The following BMPR1B variants were observed in gnomAD, a reference collection of about 807,000 sequenced individuals.
BMPR1B encodes bone morphogenetic protein receptor type 1B.
Under a neutral mutation model 59.1 loss-of-function variants are expected in BMPR1B, and 12 were observed. The ratio of observed to expected loss-of-function variants is 0.20; its 90% CI spans 0.13 to 0.33. The LOEUF (loss-of-function observed/expected upper bound fraction) is 0.33, where lower values mean the gene tolerates loss of function less well. Ranked by LOEUF, BMPR1B falls within the 10% of genes least tolerant of loss-of-function variation. BMPR1B has a pLI of 1.00. For missense variants in BMPR1B, 550 were observed against 610.9 expected, an observed-to-expected ratio of 0.90 and a Z score of 1.05; for synonymous variants, 237 against 207.3, an observed-to-expected ratio of 1.14 and a Z score of -1.23.
chr4:94,977,472 A>C (rs1005341771), intron 2 of BMPR1B, among the ~76,000 whole-genome samples: 2 of 107,578 alleles, frequency 1.9e-5, no homozygotes, highest in African/African-American at 6.9e-5. Flanking sequence ...CAAACCCAGC[A>C]AGATGCCTTT....
chr4:94,982,296 CCTTT>C (rs904217842), intron 2 of BMPR1B, among the ~76,000 whole-genome samples: 2 of 146,394 alleles, frequency 1.4e-5, no homozygotes, highest in African/African-American at 4.9e-5. Context: ...AGGTGTATTG[CCTTT>C]TTTTAAAAAA....
At chr4:94,779,994 G>T (rs1722528805) in intron 1 of BMPR1B, among the ~76,000 whole-genome samples, 2 of 151,854 alleles carry the variant, frequency 1.3e-5, no homozygotes, top group African/African-American at 4.8e-5. Context: ...CATTTGTTGG[G>T]TTACATTTGT....
At chr4:94,923,245 CCTT>C (rs1728770814) in intron 2 of BMPR1B, among the ~76,000 whole-genome samples, 1 of 151,994 alleles carries the variant, frequency 6.6e-6, no homozygotes. Flanking sequence ...CATGCTACCT[CCTT>C]TAGAGGTAGC....
At chr4:94,941,867 C>A (rs914927604) in intron 2 of BMPR1B, among the ~76,000 whole-genome samples, 38 of 152,284 alleles carry the variant, frequency 2.5e-4, no homozygotes, top group African/African-American at 8.4e-4. Flanking sequence ...TGTTGTTTTG[C>A]GTCTCAGACA....
intron 1 of BMPR1B, among the ~76,000 whole-genome samples, chr4:94,807,748 A>G (rs1223484660): frequency 6.6e-6 from 1 of 152,124 alleles, no homozygotes; most frequent in Non-Finnish European, 1.5e-5. Context: ...GCAGTGGCAC[A>G]ATGTTGGCTC....
chr4:94,856,123 G>T (rs1368088598), intron 1 of BMPR1B, among the ~76,000 whole-genome samples: 1 of 152,094 alleles, frequency 6.6e-6, no homozygotes, highest in African/African-American at 2.4e-5. Flanking sequence ...AAAACAGATT[G>T]TCTCATGAAA....
intron 1 of BMPR1B, among the ~76,000 whole-genome samples, chr4:94,867,921 A>G (rs942807071): frequency 2.0e-5 from 3 of 152,064 alleles, no homozygotes; most frequent in Non-Finnish European, 4.4e-5. Context: ...GTGCAGTCAC[A>G]ATTCACTCAG....
chr4:95,025,157 G>T (rs1358568522), intron 3 of BMPR1B, among the ~76,000 whole-genome samples: 1 of 152,120 alleles, frequency 6.6e-6, no homozygotes, highest in African/African-American at 2.4e-5. Flanking sequence ...TTGGGTGTGT[G>T]GGGAAGAGTG....
At chr4:95,032,240 C>T (rs1724919957) in intron 3 of BMPR1B, among the ~76,000 whole-genome samples, 1 of 152,036 alleles carries the variant, frequency 6.6e-6, no homozygotes, top group African/African-American at 2.4e-5. Flanking sequence ...GCTGTGTCCT[C>T]ACATGACTGG....
At chr4:94,928,390 G>A (rs1365681692) in intron 2 of BMPR1B, among the ~76,000 whole-genome samples, 5 of 151,928 alleles carry the variant, frequency 3.3e-5, no homozygotes, top group African/African-American at 2.4e-5. Context: ...AAATTTCCTC[G>A]AGATAAGGTG....
intron 1 of BMPR1B, among the ~76,000 whole-genome samples, chr4:94,766,936 T>C (rs1448076499): frequency 1.3e-5 from 2 of 152,178 alleles, no homozygotes; most frequent in Non-Finnish European, 2.9e-5. Flanking sequence ...AAATGGTGTA[T>C]CTAGAATGAG....
chr4:94,916,537 G>T (rs1472047957), intron 2 of BMPR1B, among the ~76,000 whole-genome samples: 2 of 152,194 alleles, frequency 1.3e-5, no homozygotes, highest in Non-Finnish European at 2.9e-5. Flanking sequence ...TCTGAAAGTA[G>T]AAATTTCTAA....
At chr4:95,063,647 T>C (rs758384720) in intron 3 of BMPR1B, among the ~76,000 whole-genome samples, 2 of 152,048 alleles carry the variant, frequency 1.3e-5, no homozygotes, top group Non-Finnish European at 2.9e-5. Context: ...CAAAACCACA[T>C]AACATAAAAC....
intron 2 of BMPR1B, among the ~76,000 whole-genome samples, chr4:94,977,721 G>A (rs933861841): frequency 2.0e-5 from 3 of 152,110 alleles, no homozygotes; most frequent in African/African-American, 7.2e-5. Context: ...GCTGGGCATG[G>A]TGGCGCGTGC....
At chr4:94,790,413 G>A (rs182612043) in intron 1 of BMPR1B, among the ~76,000 whole-genome samples, 204 of 152,290 alleles carry the variant, frequency 1.3e-3, no homozygotes, top group African/African-American at 4.7e-3. Flanking sequence ...GAGTTTGGGG[G>A]ATACCTTGCT....
intron 1 of BMPR1B, among the ~76,000 whole-genome samples, chr4:94,825,016 T>C (rs989059003): frequency 1.3e-5 from 2 of 152,144 alleles, no homozygotes; most frequent in Non-Finnish European, 2.9e-5. Context: ...AAGAAGGACG[T>C]TTAGAATCTC....
At chr4:95,073,471 A>G (rs1728472138) in intron 3 of BMPR1B, among the ~76,000 whole-genome samples, 1 of 152,202 alleles carries the variant, frequency 6.6e-6, no homozygotes, top group East Asian at 1.9e-4. Flanking sequence ...TGTCTTGTTG[A>G]TTTAGATCAA....
chr4:94,935,297 T>C (rs894947732), intron 2 of BMPR1B, among the ~76,000 whole-genome samples: 9 of 152,326 alleles, frequency 5.9e-5, no homozygotes, highest in African/African-American at 4.8e-5. Flanking sequence ...TGTGAACTCA[T>C]GGAGGTACCA....
At chr4:95,146,403 A>G (rs1264866286) in intron 10 of BMPR1B, among the ~76,000 whole-genome samples, 2 of 152,124 alleles carry the variant, frequency 1.3e-5, no homozygotes, top group East Asian at 1.9e-4. Context: ...TTAGGTCACA[A>G]TTACCTTTCA....
Sources: allele counts gnomAD v4.1 joint callset (sites outside exome capture counted in the v4.1 genomes callset), GRCh38; gene constraint gnomAD v4.1.1; transcripts MANE v1.5; gene names NCBI Gene and HGNC (gene_info 2026-07-23, HGNC 2026-07-21).